Variants in APOH observed in about 807,000 individuals in gnomAD.
APOH encodes the protein apolipoprotein H.
Under a neutral mutation model 39.8 loss-of-function variants are expected in APOH, and 48 were observed. The ratio of observed to expected loss-of-function variants is 1.21; its 90% confidence interval spans 0.96 to 1.54. The LOEUF (loss-of-function observed/expected upper bound fraction) is 1.54, where lower values mean the gene tolerates loss of function less well. Ranked by LOEUF, APOH falls within the 40% of genes most tolerant of loss-of-function variation. The probability of loss-of-function intolerance (pLI) is 0.00; values close to 1 mark genes in which losing one functional copy is unlikely to be tolerated. For missense variants in APOH, 415 were observed against 421.2 expected, an observed-to-expected ratio of 0.99 and a Z score of 0.13; for synonymous variants, 153 against 151.1, an observed-to-expected ratio of 1.01 and a Z score of -0.09.
chr17:66,224,708 G>A (rs1437726711), intron 3 of APOH, among the ~76,000 whole-genome samples: 73 of 95,402 alleles, frequency 7.7e-4, no homozygotes, highest in Non-Finnish European at 8.6e-4. Context: ...GAAAGGAAAG[G>A]AAAGGAAAGG....
intron 7 of APOH, 75 bp downstream of exon 7, chr17:66,214,378 C>A: frequency 7.0e-7 from 1 of 1,423,370 alleles, no homozygotes; most frequent in Non-Finnish European, 9.8e-7. Context: ...TTTTGACAAT[C>A]ATTATAGAAC....
chr17:66,216,870 G>A lies in APOH; in HGVS notation c.702C>T (p.Cys234=). 1.9e-6 allele frequency: 3 copies of A among 1,613,352 alleles called. No individual in the cohort carries two copies. Among genetic ancestry groups the A allele is most frequent in the Non-Finnish European group, 2.5e-6 (3 of 1,179,676 alleles). ...LYYKDKATFG[C]HDGYSLDGPE... ...GGCCATCCAGAGAATATCCATCATG[G>A]CAGCCAAATGTGGCTTTATCCTTGT... Residue 234 remains cysteine (C), a synonymous_variant, in exon 6 of 8, where the codon TGC becomes TGT. Coordinates refer to ENST00000205948, the MANE Select transcript of APOH (RefSeq NM_000042.3).
At position 66,220,547 on chromosome 17, in the gene APOH, C is replaced by G; in HGVS notation, c.604+7G>C. ...CCATGCGTATTTTGTCTGATCATTG[C>G]ACTTACCCCTGCATTCTGGTAATTT... On this transcript the variant is annotated splice_region_variant and intron_variant, in intron 5 of 7. Coordinates refer to ENST00000205948, the MANE Select transcript of APOH (RefSeq NM_000042.3). 6.2e-7 allele frequency: 1 copy of G among 1,613,320 alleles called. No homozygotes were observed. Among genetic ancestry groups the G allele is most frequent in the South Asian group, 1.1e-5 (1 of 91,036 alleles).
intron 2 of APOH, among the ~76,000 whole-genome samples, chr17:66,227,182 C>A (rs1281206056): frequency 2.6e-5 from 4 of 152,096 alleles, no homozygotes; most frequent in Admixed American, 6.6e-5. Flanking sequence ...CCGCACCTGG[C>A]CCTGATTTAA....
chr17:66,212,174 C>G lies in APOH; in HGVS notation c.997G>C (p.Ala333Pro). Residue 333 changes from alanine to proline, a missense_variant, in exon 8 of 8, where the codon GCT becomes CCT. Transcript: ENST00000205948. The stretch of plus-strand genomic sequence containing the variant: ...TCGGATGCATCAGTTTTCCAAAAAG[C>G]CAGAGAACTGTGTTCTGTTGGGGGA... ...PKCFKEHSSL[A>P]FWKTDASDVK... 4 of 1,613,758 alleles carry G rather than the reference C, an allele frequency of 2.5e-6. No individual in the cohort carries two copies. Among genetic ancestry groups the G allele is most frequent in the Non-Finnish European group, 3.4e-6 (4 of 1,179,750 alleles).
Position 66,214,592 on chromosome 17 carries a change from C to G in APOH, c.843G>C (p.Lys281Asn). The change falls in exon 7 of 8, where the codon AAG becomes AAC. Residue 281 changes from lysine (K) to asparagine (N), a missense_variant. Coordinates refer to ENST00000205948, the MANE Select transcript of APOH (RefSeq NM_000042.3). ...ATVVYQGERV[K>N]IQEKFKNGML... ...TTCCATTCTTAAATTTTTCCTGAATCTTTACTCTCTCTCCTTGGTACACCA... is the reference window on the plus strand; with the variant it reads ...TTCCATTCTTAAATTTTTCCTGAATGTTTACTCTCTCTCCTTGGTACACCA... The G allele has an allele frequency of 6.2e-7, 1 of 1,614,016 alleles. No individual in the cohort carries two copies. Among genetic ancestry groups the G allele is most frequent in the Non-Finnish European group, 8.5e-7 (1 of 1,179,958 alleles).
intron 5 of APOH, among the ~76,000 whole-genome samples, chr17:66,219,453 G>A (rs2215415): frequency 0.69 from 105,182 of 151,968 alleles, 37,619 homozygotes; most frequent in East Asian, 0.92. Context: ...GGGAGAATGA[G>A]GTCAGATGAC....
chr17:66,219,146 G>A (rs2073382677), intron 5 of APOH, among the ~76,000 whole-genome samples: 1 of 152,054 alleles, frequency 6.6e-6, no homozygotes, highest in Admixed American at 6.6e-5. Context: ...GGGAAAATTT[G>A]CATCTGAGAT....
In APOH at chr17:66,214,484, A is replaced by G. The variant is rs1263610625; in HGVS notation, c.951T>C (p.Asp317=). 6.2e-7 allele frequency: 1 copy of G among 1,613,978 alleles called. No homozygotes were observed. Among genetic ancestry groups the G allele is most frequent in the Non-Finnish European group, 8.5e-7 (1 of 1,180,018 alleles). ...AGCATTTGGGGACTTCGATAGTGCC[A>G]TCTATACACTGAGCATCCTCTGTAT... ...CSYTEDAQCI[D]GTIEVPKCFK... Residue 317 remains aspartate, a synonymous_variant, in exon 7 of 8, where the codon GAT becomes GAC. Coordinates refer to ENST00000205948, the MANE Select transcript of APOH (RefSeq NM_000042.3).
chr17:66,225,920 G>C (rs1397513838), intron 3 of APOH, 108 bp downstream of exon 3: 2 of 651,818 alleles, frequency 3.1e-6, no homozygotes, highest in Non-Finnish European at 5.0e-6. Flanking sequence ...GCATTTGAAA[G>C]TCCAACCTAA....
In APOH at chr17:66,216,967, T is replaced by G. The variant is rs940905858; in HGVS notation, c.605A>C (p.Glu202Ala). 2 of 1,585,216 alleles carry G rather than the reference T, an allele frequency of 1.3e-6. No homozygotes were observed. The highest frequency in any genetic ancestry group is 1.7e-6 in the Non-Finnish European group (2 of 1,168,112). The part of the protein sequence containing the change: ...GNWTKLPECR[E>A]VKCPFPSRPD... ...TCTTGATGGGAATGGGCATTTTACT[T>G]CTAAAACATTTATTCAATAAGACAT... The change falls in exon 6 of 8, where the codon GAA becomes GCA. Residue 202 changes from glutamate to alanine, a missense_variant and splice_region_variant. Around this residue, in one of 3 missense-constraint regions of APOH, gnomAD observed 288 missense variants for 284.9 expected, o/e 1.01. Transcript: ENST00000205948.
At chr17:66,219,817 G>T (rs923265161) in intron 5 of APOH, among the ~76,000 whole-genome samples, 1 of 152,050 alleles carries the variant, frequency 6.6e-6, no homozygotes, top group African/African-American at 2.4e-5. Context: ...TACTTGGGAG[G>T]CCAAGGCATG....
intron 4 of APOH, among the ~76,000 whole-genome samples, chr17:66,221,179 T>C (rs2073396831): frequency 6.9e-6 from 1 of 145,476 alleles, no homozygotes; most frequent in African/African-American, 2.6e-5. Context: ...GGCAACAGAG[T>C]GAGTCTGTCT....
rs1025512314 is a variant in APOH at position 66,228,095 on chromosome 17, C to T, written c.166G>A (p.Val56Met). Residue 56 changes from valine to methionine, a missense_variant, in exon 2 of 8, where the codon GTG becomes ATG. By Grantham distance (21) the Val-to-Met change is conservative. Coordinates refer to ENST00000205948, the MANE Select transcript of APOH (RefSeq NM_000042.3). ...AACTTTCTCATCCCTCCTCGGGACACATAGCCCGGCTTGCAGGAATACGTA... is the reference window on the plus strand; with the variant it reads ...AACTTTCTCATCCCTCCTCGGGACATATAGCCCGGCTTGCAGGAATACGTA... ...EITYSCKPGY[V>M]SRGGMRKFIC... is the part of the protein sequence containing the mutation. The T allele has an allele frequency of 3.7e-6, 6 of 1,614,094 alleles. No individual in the cohort carries two copies. Among genetic ancestry groups the T allele is most frequent in the Admixed American group, 1.7e-5 (1 of 59,998 alleles).
At chr17:66,228,799 C>CAAAA (rs543775682) in intron 1 of APOH, among the ~76,000 whole-genome samples, 66 of 105,122 alleles carry the variant, frequency 6.3e-4, no homozygotes, top group South Asian at 4.5e-3. Flanking sequence ...GACTCTGTCT[C>CAAAA]AAAAAAAAAA....
chr17:66,228,799 CAA>C (rs543775682), intron 1 of APOH, among the ~76,000 whole-genome samples: 22 of 105,060 alleles, frequency 2.1e-4, no homozygotes, highest in South Asian at 3.0e-4. Context: ...GACTCTGTCT[CAA>C]AAAAAAAAAA....
Position 66,220,604 on chromosome 17 carries a change from G to A in APOH, c.554C>T (p.Thr185Ile). 1.2e-6 allele frequency: 2 copies of A among 1,614,124 alleles called. No individual in the cohort carries two copies. The highest frequency in any genetic ancestry group is 1.7e-6 in the Non-Finnish European group (2 of 1,180,016). The change falls in exon 5 of 8, where the codon ACA becomes ATA. Residue 185 changes from threonine (T) to isoleucine (I), a missense_variant. Physicochemically the swap from Thr to Ile is moderately conservative, Grantham distance 89. Transcript: ENST00000205948. ...ATTTCCATGTGTCGTGCAGGTAATT[G>A]TATCATTTCCAAACATCGCATGTTG... is the stretch of plus-strand genomic sequence containing the variant. ...LPQHAMFGND[T>I]ITCTTHGNWT...
intron 5 of APOH, among the ~76,000 whole-genome samples, chr17:66,218,428 C>CT: frequency 6.6e-6 from 1 of 152,032 alleles, no homozygotes; most frequent in Non-Finnish European, 1.5e-5. Flanking sequence ...CCTGCCTCAA[C>CT]CTCCTGAGCA....
chr17:66,214,557 C>A lies in APOH; in HGVS notation c.878G>T (p.Gly293Val). ...QEKFKNGMLH[G>V]DKVSFFCKNK... The stretch of plus-strand genomic sequence containing the variant: ...TTTGCAGAAGAAAGAAACTTTATCA[C>A]CATGTAGCATTCCATTCTTAAATTT... Residue 293 changes from glycine to valine, a missense_variant, in exon 7 of 8, where the codon GGT becomes GTT. Physicochemically the swap from Gly to Val is moderately radical, Grantham distance 109 (BLOSUM62 -3). Transcript: ENST00000205948. The A allele has an allele frequency of 5.6e-6, 9 of 1,613,984 alleles. No homozygotes were observed. Among genetic ancestry groups the A allele is most frequent in the Non-Finnish European group, 6.8e-6 (8 of 1,179,874 alleles).
Sources: allele counts gnomAD v4.1 joint callset (sites outside exome capture counted in the v4.1 genomes callset), GRCh38; gene constraint gnomAD v4.1.1; regional missense constraint gnomAD v4.1.1; transcripts MANE v1.5; gene names NCBI Gene and HGNC (gene_info 2026-07-23, HGNC 2026-07-21).